Variants in COLEC12 observed in about 807,000 individuals in gnomAD.
COLEC12 encodes collectin-12.
A neutral mutation model predicts 71.1 loss-of-function variants in COLEC12; 33 were observed. That is an observed-to-expected ratio of 0.46 (90% CI 0.35 to 0.62). The LOEUF is 0.62. Ranked by LOEUF, COLEC12 falls within the 20% of genes least tolerant of loss-of-function variation. The pLI, the probability that COLEC12 is intolerant of heterozygous loss-of-function variation, is 0.00. For synonymous variants in COLEC12, 350 were observed against 353.0 expected (o/e 0.99, Z 0.10); for missense variants, 765 against 916.1 (o/e 0.84, Z 2.13).
intron 2 of COLEC12, among the ~76,000 whole-genome samples, chr18:381,451 TAAGTAA>T (rs1296517034): frequency 1.3e-5 from 2 of 152,134 alleles, no homozygotes; most frequent in Non-Finnish European, 2.9e-5. Context: ...ACCCCATCAA[TAAGTAA>T]AAGTATTATG....
At chr18:425,914 T>C (rs1284038994) in intron 2 of COLEC12, among the ~76,000 whole-genome samples, 2 of 152,196 alleles carry the variant, frequency 1.3e-5, no homozygotes, top group East Asian at 3.9e-4. Context: ...CATAACATAA[T>C]CACATCTCAT....
rs139126799 is a variant in COLEC12, at chr18:341,287, G to A, written c.1327+5008C>T. Among the ~76,000 whole-genome samples the A allele has an allele frequency of 2.5e-3, 383 of 152,332 alleles. 1 individual carries two copies. The highest frequency in any genetic ancestry group is 4.4e-3 in the Non-Finnish European group (300 of 68,042). On this transcript the variant is annotated intron_variant, in intron 5 of 9. Coordinates refer to ENST00000400256, the MANE Select transcript of COLEC12 (RefSeq NM_130386.3). ...CCATTTACTAGTTGTTTGGCCTTGG[G>A]TAAGTTACTCAGGCTCTCTGCGTCT...
intron 1 of COLEC12, among the ~76,000 whole-genome samples, chr18:484,361 G>A (rs1917480528): frequency 6.6e-6 from 1 of 152,178 alleles, no homozygotes; most frequent in Admixed American, 6.5e-5. Flanking sequence ...CCATCATAAA[G>A]CACAGGGTGG....
chr18:429,268 T>A (rs1916255272), intron 2 of COLEC12, among the ~76,000 whole-genome samples: 1 of 152,230 alleles, frequency 6.6e-6, no homozygotes, highest in Non-Finnish European at 1.5e-5. Context: ...ATGATGCAAA[T>A]TTCAAAGTAT....
At chr18:488,598 G>C (rs1917562164) in intron 1 of COLEC12, among the ~76,000 whole-genome samples, 1 of 151,782 alleles carries the variant, frequency 6.6e-6, no homozygotes, top group South Asian at 2.1e-4. Flanking sequence ...TGGCTCACTG[G>C]GATCACTTTG....
At chr18:442,283 T>C (rs1461805818) in intron 2 of COLEC12, among the ~76,000 whole-genome samples, 2 of 152,144 alleles carry the variant, frequency 1.3e-5, no homozygotes, top group Non-Finnish European at 2.9e-5. Flanking sequence ...CAAGTTTGAT[T>C]GTCATGTCTA....
At chr18:368,525 A>T (rs1166343223) in intron 2 of COLEC12, among the ~76,000 whole-genome samples, 1 of 151,042 alleles carries the variant, frequency 6.6e-6, no homozygotes. Flanking sequence ...AGTGAGCCGA[A>T]ATCCCACCAG....
chr18:344,138 A>C (rs1218355863), intron 5 of COLEC12, among the ~76,000 whole-genome samples: 1 of 152,152 alleles, frequency 6.6e-6, no homozygotes, highest in Non-Finnish European at 1.5e-5. Flanking sequence ...TTTTTAAATC[A>C]TTTGAAGGGC....
At chr18:447,737 A>C (rs1395180497) in intron 2 of COLEC12, among the ~76,000 whole-genome samples, 1 of 152,190 alleles carries the variant, frequency 6.6e-6, no homozygotes, top group Non-Finnish European at 1.5e-5. Flanking sequence ...ATACTTTGCT[A>C]ATATGTAGTA....
intron 1 of COLEC12, among the ~76,000 whole-genome samples, chr18:483,557 T>C (rs1917464897): frequency 6.6e-6 from 1 of 152,166 alleles, no homozygotes; most frequent in South Asian, 2.1e-4. Context: ...ATACTCAAAG[T>C]GGTTTTCTTA....
intron 3 of COLEC12, among the ~76,000 whole-genome samples, chr18:351,197 C>T (rs1443783678): frequency 2.0e-5 from 3 of 152,110 alleles, no homozygotes; most frequent in African/African-American, 7.2e-5. Context: ...TTCCCTCAAG[C>T]TTCTACCGTC....
chr18:406,515 C>CAAAAAAA (rs34263909), intron 2 of COLEC12, among the ~76,000 whole-genome samples: 39 of 90,452 alleles, frequency 4.3e-4, no homozygotes, highest in African/African-American at 1.7e-3. Flanking sequence ...GACTCCGTCT[C>CAAAAAAA]AAAAAAAAAA....
intron 1 of COLEC12, among the ~76,000 whole-genome samples, chr18:491,988 C>A (rs539848009): frequency 2.2e-4 from 33 of 152,204 alleles, no homozygotes; most frequent in African/African-American, 7.5e-4. Flanking sequence ...CTCAATGCAG[C>A]GTAACAAAGT....
At chr18:373,138 A>C (rs1413460547) in intron 2 of COLEC12, among the ~76,000 whole-genome samples, 1 of 152,230 alleles carries the variant, frequency 6.6e-6, no homozygotes, top group African/African-American at 2.4e-5. Context: ...ATCTTGATGA[A>C]AAATGGGAAA....
Position 500,680 on chromosome 18 carries a change from G to GCTCCCCGCA in COLEC12, c.-167_-166insTGCGGGGAG, listed in dbSNP as rs1322266219. 5 of 301,500 alleles carry GCTCCCCGCA rather than the reference G, an allele frequency of 1.7e-5. No individual in the cohort carries two copies. Among genetic ancestry groups the GCTCCCCGCA allele is most frequent in the African/African-American group, 1.1e-4 (5 of 43,702 alleles). 18.7% of individuals were successfully genotyped at this position (301,500 alleles called of 1,614,324 possible). On this transcript the variant is annotated 5_prime_UTR_variant, in exon 1 of 10. Transcript: ENST00000400256. This position sits in a 1 kb window ranked among gnomAD's most constrained non-coding sequence, Gnocchi z 5.3. Reference sequence around the variant, plus strand: ...GCCGCCGCCGGCCCGCGCTCCCCGCGCTCCCGGCTCCGCGCTCTGCTGCCT... The same window carrying GCTCCCCGCA: ...GCCGCCGCCGGCCCGCGCTCCCCGCGCTCCCCGCACTCCCGGCTCCGCGCTCTGCTGCCT...
At chr18:488,298 T>A (rs1039781724) in intron 1 of COLEC12, among the ~76,000 whole-genome samples, 2 of 151,234 alleles carry the variant, frequency 1.3e-5, no homozygotes, top group Non-Finnish European at 2.9e-5. Flanking sequence ...GTAATCCCAA[T>A]TACTAGGGAG....
chr18:409,476 G>T (rs547425115), intron 2 of COLEC12, among the ~76,000 whole-genome samples: 1 of 152,280 alleles, frequency 6.6e-6, no homozygotes, highest in East Asian at 1.9e-4. Flanking sequence ...AGTGAGCCAA[G>T]ATCACACCAC....
chr18:364,077 C>T (rs1914804739), intron 2 of COLEC12, among the ~76,000 whole-genome samples: 1 of 152,192 alleles, frequency 6.6e-6, no homozygotes, highest in East Asian at 1.9e-4. Flanking sequence ...GCTGAACTTA[C>T]ATTCAAATTC....
intron 5 of COLEC12, among the ~76,000 whole-genome samples, chr18:337,465 T>TTAC (rs1293856640): frequency 6.6e-6 from 1 of 152,202 alleles, no homozygotes; most frequent in Non-Finnish European, 1.5e-5. Context: ...CTTAATTTGC[T>TTAC]TACGTAAGGC....
Sources: gnomAD v4.1 joint callset for allele counts (sites outside exome capture counted in the v4.1 genomes callset) on GRCh38, gnomAD v4.1.1 for gene constraint, Gnocchi (gnomAD v3.1) non-coding constraint, MANE v1.5 for transcripts, NCBI Gene and HGNC (gene_info 2026-07-23, HGNC 2026-07-21) for gene names.